Variants in RFX6 observed in about 807,000 individuals in gnomAD.
The protein encoded by RFX6 is regulatory factor X6.
Under a neutral mutation model 110.8 loss-of-function variants are expected in RFX6, and 50 were observed. That is an observed-to-expected ratio of 0.45 (90% confidence interval 0.36 to 0.57). The LOEUF is 0.57. RFX6 is among the 20% of genes least tolerant of loss of function. RFX6 has a pLI of 0.00. For synonymous variants in RFX6, 383 were observed against 411.2 expected, an observed-to-expected ratio of 0.93 and a Z score of 0.83; for missense variants, 990 against 1,127.0, an observed-to-expected ratio of 0.88 and a Z score of 1.74.
intron 17 of RFX6, among the ~76,000 whole-genome samples, chr6:116,928,553 CTTA>C (rs1775805355): frequency 6.6e-6 from 1 of 152,096 alleles, no homozygotes; most frequent in South Asian, 2.1e-4. Context: ...TGCTACAATT[CTTA>C]TGTGTTAAAA....
intron 6 of RFX6, among the ~76,000 whole-genome samples, chr6:116,898,214 G>A (rs998579790): frequency 2.6e-5 from 4 of 152,192 alleles, no homozygotes; most frequent in African/African-American, 9.7e-5. Flanking sequence ...ATTTCAGGGA[G>A]AGCCTTTCCA....
At chr6:116,895,293 A>T (rs1562136707) in intron 6 of RFX6, 86 bp downstream of exon 6, 4 of 755,668 alleles carry the variant, frequency 5.3e-6, no homozygotes, top group Non-Finnish European at 6.9e-6. Context: ...CCCTTTGGCA[A>T]ATGTAGAAAT....
chr6:116,930,112 C>A (rs528458531), intron 18 of RFX6, among the ~76,000 whole-genome samples: 19 of 152,092 alleles, frequency 1.2e-4, no homozygotes, highest in African/African-American at 4.6e-4. Flanking sequence ...GAAGCTTTGA[C>A]GAAACATAGG....
chr6:116,923,020 AGTCT>A (rs2114699893), intron 13 of RFX6, 83 bp from the exon 14 acceptor site: 1 of 780,564 alleles, frequency 1.3e-6, no homozygotes, highest in Non-Finnish European at 2.4e-6. Flanking sequence ...TTTGTTAGAC[AGTCT>A]ATTTACTTCT....
At chr6:116,889,945 C>T (rs339332) in intron 4 of RFX6, among the ~76,000 whole-genome samples, 148,676 of 152,202 alleles carry the variant, frequency 0.98, 72,641 homozygotes, top group East Asian at 1. Context: ...CGAGTTTATA[C>T]ATGAAATGTC....
chr6:116,896,040 C>G (rs886940112), intron 6 of RFX6, among the ~76,000 whole-genome samples: 3 of 152,128 alleles, frequency 2.0e-5, no homozygotes, highest in Non-Finnish European at 2.9e-5. Context: ...CCAGATTGCT[C>G]TTTTTATCAA....
intron 6 of RFX6, among the ~76,000 whole-genome samples, chr6:116,902,224 A>G (rs1775090304): frequency 6.6e-6 from 1 of 152,024 alleles, no homozygotes; most frequent in South Asian, 2.1e-4. Flanking sequence ...TTCTTGTGGG[A>G]GAAGAAGGGA....
intron 2 of RFX6, 81 bp from the exon 3 acceptor site, chr6:116,880,463 C>A (rs902675836): frequency 1.7e-5 from 23 of 1,333,120 alleles, no homozygotes; most frequent in East Asian, 1.7e-4. Context: ...AGTCCATATT[C>A]AAAATGGGTA....
intron 4 of RFX6, among the ~76,000 whole-genome samples, chr6:116,890,734 T>C (rs1208282124): frequency 6.6e-6 from 1 of 152,182 alleles, no homozygotes; most frequent in Non-Finnish European, 1.5e-5. Context: ...TATAGTGTTA[T>C]TTACATTTGA....
At chr6:116,929,054 G>C in intron 18 of RFX6, 83 bp downstream of exon 18, 1 of 865,720 alleles carries the variant, frequency 1.2e-6, no homozygotes, top group Non-Finnish European at 2.0e-6. Context: ...GAGATATGCT[G>C]AGGTGAACTG....
intron 4 of RFX6, among the ~76,000 whole-genome samples, chr6:116,891,749 C>T (rs1004872899): frequency 2.8e-4 from 43 of 152,252 alleles, no homozygotes; most frequent in Admixed American, 3.9e-4. Context: ...AAATATTTCT[C>T]TTACCTATAT....
intron 11 of RFX6, 127 bp downstream of exon 11, chr6:116,919,423 A>C: frequency 1.2e-6 from 1 of 841,310 alleles, no homozygotes; most frequent in Non-Finnish European, 2.0e-6. Flanking sequence ...ATGCAACGTG[A>C]GACCCAGAAG....
At chr6:116,915,621 T>C (rs1048968046) in intron 7 of RFX6, among the ~76,000 whole-genome samples, 4 of 152,158 alleles carry the variant, frequency 2.6e-5, no homozygotes, top group Non-Finnish European at 5.9e-5. Context: ...TTTATGTTTA[T>C]TTATCCAAAT....
At chr6:116,877,730 A>G in intron 1 of RFX6, 66 bp from the exon 2 acceptor site, 1 of 1,531,126 alleles carries the variant, frequency 6.5e-7, no homozygotes, top group Non-Finnish European at 9.0e-7. Context: ...GTTAAGGTAC[A>G]CTTAAAGGCG....
intron 6 of RFX6, among the ~76,000 whole-genome samples, chr6:116,898,314 G>C (rs991394739): frequency 5.3e-5 from 8 of 152,018 alleles, no homozygotes; most frequent in African/African-American, 9.7e-5. Flanking sequence ...AATTGGAAAG[G>C]ACTTGGGATT....
chr6:116,877,328 C>G lies in RFX6; in HGVS notation c.53C>G (p.Pro18Arg). The G allele has an allele frequency of 6.2e-7, 1 of 1,613,038 alleles. No individual in the cohort carries two copies. The highest frequency in any genetic ancestry group is 8.5e-7 in the Non-Finnish European group (1 of 1,179,680). The change falls in exon 1 of 19, where the codon CCC (proline) becomes CGC (arginine). Residue 18 changes from proline (P) to arginine (R), a missense_variant. Pro to Arg is a moderately radical substitution (Grantham distance 103). Coordinates refer to ENST00000332958, the MANE Select transcript of RFX6 (RefSeq NM_173560.4). ...EDTFLQAQPA[P>R]QLSPGIQEDC... Reference sequence around the variant, plus strand: ...ACCTTCCTGCAGGCGCAGCCTGCGCCCCAACTGTCCCCGGGGATCCAGGAA... The same window carrying G: ...ACCTTCCTGCAGGCGCAGCCTGCGCGCCAACTGTCCCCGGGGATCCAGGAA...
At chr6:116,881,622 C>G (rs1324387350) in intron 3 of RFX6, among the ~76,000 whole-genome samples, 1 of 151,998 alleles carries the variant, frequency 6.6e-6, no homozygotes, top group East Asian at 1.9e-4. Flanking sequence ...TCTGTTTACT[C>G]ATTCTATTAA....
At chr6:116,906,106 A>T (rs1331247230) in intron 6 of RFX6, among the ~76,000 whole-genome samples, 1 of 152,154 alleles carries the variant, frequency 6.6e-6, no homozygotes, top group South Asian at 2.1e-4. Context: ...TGTTGATAGA[A>T]CTGTCCTTTC....
intron 10 of RFX6, 58 bp from the exon 11 acceptor site, chr6:116,919,079 A>G (rs1274201499): frequency 9.6e-6 from 14 of 1,465,856 alleles, no homozygotes; most frequent in Non-Finnish European, 1.2e-5. Context: ...CAATTAAAAT[A>G]TGATTGTTTA....
Sources: allele counts gnomAD v4.1 joint callset (sites outside exome capture counted in the v4.1 genomes callset), GRCh38; gene constraint gnomAD v4.1.1; transcripts MANE v1.5; gene names NCBI Gene and HGNC (gene_info 2026-07-23, HGNC 2026-07-21).